Variants in CIMAP1D observed in about 807,000 individuals in gnomAD.
The protein encoded by CIMAP1D is protein CIMAP1D.
At chr19:482,540 G>A in the CIMAP1D span, among the ~76,000 whole-genome samples, 2 of 152,212 alleles carry the variant, frequency 1.3e-5, no homozygotes, top group South Asian at 2.1e-4. Context: ...TCAAGATGGG[G>A]AAATGCTGCC....
the CIMAP1D span, chr19:472,267 C>T: frequency 2.0e-6 from 1 of 502,704 alleles, no homozygotes. Flanking sequence ...TTGTACAGCC[C>T]AGCCCTGCCT....
At chr19:471,021 G>C in the CIMAP1D span, among the ~76,000 whole-genome samples, 4 of 152,250 alleles carry the variant, frequency 2.6e-5, no homozygotes, top group Non-Finnish European at 5.9e-5. Context: ...GACGGGCCAG[G>C]CCCGGGGAGC....
At chr19:487,198 A>C in the CIMAP1D span, among the ~76,000 whole-genome samples, 1 of 152,064 alleles carries the variant, frequency 6.6e-6, no homozygotes, top group East Asian at 1.9e-4. Flanking sequence ...TCCTGAGCCC[A>C]CTGTGAAGTT....
the CIMAP1D span, among the ~76,000 whole-genome samples, chr19:474,188 G>A: frequency 3.3e-3 from 499 of 152,306 alleles, 3 homozygotes; most frequent in African/African-American, 0.011. Flanking sequence ...AGGAAACTGC[G>A]GCCCGTCCTG....
the CIMAP1D span, among the ~76,000 whole-genome samples, chr19:480,622 G>A: frequency 9.2e-6 from 1 of 109,228 alleles, no homozygotes; most frequent in African/African-American, 3.2e-5. Context: ...TGATGGGAAG[G>A]ATGATGGGGA....
chr19:480,776 ATGATGGAGAATGATGATG>A, the CIMAP1D span, among the ~76,000 whole-genome samples: 1 of 136,742 alleles, frequency 7.3e-6, no homozygotes, highest in African/African-American at 3.1e-5. Flanking sequence ...ATGGAAAACG[ATGATGGAGAATGATGATG>A]CAGAAGGAAT....
chr19:468,466 G>A, the CIMAP1D span, among the ~76,000 whole-genome samples: 3 of 152,138 alleles, frequency 2.0e-5, no homozygotes, highest in Non-Finnish European at 4.4e-5. Context: ...AGGGGGGCTC[G>A]GCGTTGGACC....
chr19:487,210 G>A, the CIMAP1D span, among the ~76,000 whole-genome samples: 1 of 151,938 alleles, frequency 6.6e-6, no homozygotes, highest in Non-Finnish European at 1.5e-5. Context: ...TGTGAAGTTC[G>A]CGGCGATCTG....
the CIMAP1D span, among the ~76,000 whole-genome samples, chr19:465,200 G>A: frequency 6.7e-6 from 1 of 148,216 alleles, no homozygotes; most frequent in Non-Finnish European, 1.5e-5. Flanking sequence ...ATGGATGAGT[G>A]GATGGATGGG....
the CIMAP1D span, among the ~76,000 whole-genome samples, chr19:471,234 T>C: frequency 3.3e-5 from 5 of 151,338 alleles, no homozygotes; most frequent in Admixed American, 6.6e-5. Flanking sequence ...CTGCAGCATC[T>C]GCCTCCCGGG....
chr19:463,662 C>T, the CIMAP1D span: 1 of 876,794 alleles, frequency 1.1e-6, no homozygotes, highest in South Asian at 1.8e-5. Context: ...CTGCACAGGG[C>T]CATGGGTCAC....
the CIMAP1D span, chr19:474,727 G>A: frequency 4.5e-6 from 7 of 1,543,600 alleles, no homozygotes; most frequent in Non-Finnish European, 6.1e-6. Context: ...GTGGGGTGGA[G>A]TCGCAGCTGA....
the CIMAP1D span, among the ~76,000 whole-genome samples, chr19:487,192 G>C: frequency 6.6e-6 from 1 of 152,272 alleles, no homozygotes; most frequent in Non-Finnish European, 1.5e-5. Context: ...GCCAGCTCCT[G>C]AGCCCACTGT....
At chr19:466,762 TG>T in the CIMAP1D span, among the ~76,000 whole-genome samples, 1 of 110,716 alleles carries the variant, frequency 9.0e-6, no homozygotes, top group African/African-American at 3.7e-5. Flanking sequence ...GATGGTTGGG[TG>T]GGTGGATGGA....
At chr19:485,935 C>CT in the CIMAP1D span, among the ~76,000 whole-genome samples, 1 of 142,512 alleles carries the variant, frequency 7.0e-6, no homozygotes, top group African/African-American at 2.7e-5. Flanking sequence ...CGGCGGCCAG[C>CT]CCCCTGACTC....
the CIMAP1D span, among the ~76,000 whole-genome samples, chr19:487,532 G>A: frequency 2.0e-5 from 3 of 152,314 alleles, no homozygotes; most frequent in Admixed American, 6.5e-5. Context: ...CTGGCAGGGC[G>A]CATGACGTGT....
chr19:465,905 T>G, the CIMAP1D span, among the ~76,000 whole-genome samples: 1 of 129,964 alleles, frequency 7.7e-6, no homozygotes, highest in African/African-American at 3.0e-5. Context: ...GATGGATGGG[T>G]GGATAGATGG....
chr19:474,973 C>T, the CIMAP1D span: 4 of 409,384 alleles, frequency 9.8e-6, no homozygotes, highest in African/African-American at 2.1e-5. Context: ...GAAGTGGGGC[C>T]GGGATCGAGT....
At chr19:474,699 G>C in the CIMAP1D span, 1 of 1,565,748 alleles carries the variant, frequency 6.4e-7, no homozygotes, top group Non-Finnish European at 8.7e-7. Context: ...CGCCGGCCAA[G>C]GGGGGCTGTG....
Sources: allele counts gnomAD v4.1 joint callset (sites outside exome capture counted in the v4.1 genomes callset), GRCh38; gene constraint gnomAD v4.1.1; transcripts MANE v1.5; gene names NCBI Gene and HGNC (gene_info 2026-07-23, HGNC 2026-07-21).